CBX7: variants seen among roughly 807,000 people sequenced by gnomAD.
CBX7 encodes chromobox protein homolog 7.
In CBX7, 14 loss-of-function variants were observed where a neutral mutation model predicts 31.4. The ratio of observed to expected loss-of-function variants is 0.45; its 90% CI spans 0.29 to 0.70. The LOEUF (loss-of-function observed/expected upper bound fraction) is 0.70. Among genes scored for constraint, CBX7 ranks in the 30% least tolerant of loss-of-function variants. The pLI, the probability that CBX7 is intolerant of heterozygous loss-of-function variation, is 0.11. For missense variants in CBX7, 269 were observed against 351.9 expected, an observed-to-expected ratio of 0.76 and a Z score of 1.89; for synonymous variants, 159 against 152.6, an observed-to-expected ratio of 1.04 and a Z score of -0.31.
intron 2 of CBX7, among the ~76,000 whole-genome samples, chr22:39,146,135 C>A (rs1220172993): frequency 6.6e-6 from 1 of 152,240 alleles, no homozygotes; most frequent in Non-Finnish European, 1.5e-5. Context: ...CGCCACCGCT[C>A]TGGGGCCTCA....
rs1037792272 is a variant in CBX7 at position 39,152,209 on chromosome 22, C to A, written c.69+167G>T. 5.3e-5 allele frequency among the ~76,000 whole-genome samples: 8 copies of A among 152,208 alleles called. No individual in the cohort carries two copies. Among genetic ancestry groups the A allele is most frequent in the Admixed American group, 6.5e-5 (1 of 15,310 alleles). Reference sequence around the variant, plus strand: ...CAACTTTTGTTCTACTCGCCCTACACGGTGGCAGGGAAACTGAGGCACGGG... The same window carrying A: ...CAACTTTTGTTCTACTCGCCCTACAAGGTGGCAGGGAAACTGAGGCACGGG... On this transcript the variant is annotated intron_variant, in intron 1 of 5. Coordinates refer to ENST00000216133, the MANE Select transcript of CBX7 (RefSeq NM_175709.5). This position sits in a 1 kb window ranked among gnomAD's most constrained non-coding sequence, Gnocchi z 4.9.
At position 39,152,339 on chromosome 22, in the gene CBX7, C is replaced by A; in HGVS notation, c.69+37G>T. ...GCGGTGCTGGGGACGGGAGGGACCC[C>A]ACTGGGGTCCTGGGAGCCGCCCCCG... On this transcript the variant is annotated intron_variant, in intron 1 of 5. Transcript: ENST00000216133. The surrounding 1 kb of genome is among the most constrained non-coding windows in gnomAD (Gnocchi z 4.9). The A allele has an allele frequency of 7.5e-7, 1 of 1,336,924 alleles. No homozygotes were observed. The highest frequency in any genetic ancestry group is 3.0e-5 in the Admixed American group (1 of 33,100). 82.8% of individuals were successfully genotyped at this position (1,336,924 alleles called of 1,614,324 possible).
At chr22:39,136,920 G>A (rs560186088) in intron 4 of CBX7, among the ~76,000 whole-genome samples, 4 of 152,334 alleles carry the variant, frequency 2.6e-5, no homozygotes, top group African/African-American at 7.2e-5. Flanking sequence ...CATGAAGGGA[G>A]GCCCACCCCC....
intron 4 of CBX7, chr22:39,136,869 T>C (rs907313478): frequency 6.6e-6 from 1 of 152,234 alleles, no homozygotes; most frequent in South Asian, 2.1e-4. Context: ...CTTCCCTTCC[T>C]AGGCTCAATT....
At position 39,131,101 on chromosome 22, in the gene CBX7, T is replaced by C. The variant is rs2146345354; in HGVS notation, c.*2790A>G. The C allele has an allele frequency of 6.6e-6, 1 of 152,626 alleles. No individual in the cohort carries two copies. Among genetic ancestry groups the C allele is most frequent in the South Asian group, 2.1e-4 (1 of 4,818 alleles). The allele number at this position is 152,626 out of a possible 1,614,324, so 9.5% of individuals were successfully genotyped here. A position where few individuals can be genotyped will look rare whatever the true frequency, so the allele number is the denominator to read the frequency against. On this transcript the variant is annotated 3_prime_UTR_variant, in exon 6 of 6. Transcript: ENST00000216133. Reference sequence around the variant, plus strand: ...CTTCGAAAGCAAAAGCTAAACCACCTCACAGAAGCACAGCGCCTGCCCCCA... The same window carrying C: ...CTTCGAAAGCAAAAGCTAAACCACCCCACAGAAGCACAGCGCCTGCCCCCA...
At chr22:39,141,263 C>T (rs993987575) in intron 3 of CBX7, 108 bp downstream of exon 3, 41 of 899,942 alleles carry the variant, frequency 4.6e-5, no homozygotes, top group Non-Finnish European at 6.3e-5. Context: ...CCTGCCCCAT[C>T]GGACACCCCT....
At chr22:39,144,484 G>A (rs1036161996) in intron 2 of CBX7, among the ~76,000 whole-genome samples, 2 of 152,324 alleles carry the variant, frequency 1.3e-5, no homozygotes, top group East Asian at 1.9e-4. Context: ...ACACCCTGGC[G>A]CGCAGAGCCA....
chr22:39,152,019 C>T lies in CBX7; in HGVS notation c.69+357G>A, dbSNP rs1204804367. Among the ~76,000 whole-genome samples, 1 of 152,190 alleles carries T rather than the reference C, an allele frequency of 6.6e-6. No individual in the cohort carries two copies. The highest frequency in any genetic ancestry group is 1.5e-5 in the Non-Finnish European group (1 of 68,038). On this transcript the variant is annotated intron_variant, in intron 1 of 5. Coordinates refer to ENST00000216133, the MANE Select transcript of CBX7 (RefSeq NM_175709.5). The surrounding 1 kb of genome is among the most constrained non-coding windows in gnomAD (Gnocchi z 4.9). ...AGCGTCCAGAGTCCCGAGTTCAAAA[C>T]CCAGCTCTGACCATAACGCGCTAGG...
chr22:39,140,956 C>T (rs577462461), intron 3 of CBX7, among the ~76,000 whole-genome samples: 3 of 152,312 alleles, frequency 2.0e-5, no homozygotes, highest in Admixed American at 6.5e-5. Context: ...CTAGAGACAC[C>T]GTCTCTGATC....
chr22:39,138,043 T>C lies in CBX7; in HGVS notation c.246+593A>G, dbSNP rs566168269. ...AAAAATACAAAAATTTAGCCAGGCG[T>C]GGTGGCGGGCGCCTGTAGTCCCAGC... is the stretch of plus-strand genomic sequence containing the variant. On this transcript the variant is annotated intron_variant, in intron 4 of 5. Coordinates refer to ENST00000216133, the MANE Select transcript of CBX7 (RefSeq NM_175709.5). Among the ~76,000 whole-genome samples, 138 of 151,950 alleles carry C rather than the reference T, an allele frequency of 9.1e-4. 2 individuals carry two copies. The highest frequency in any genetic ancestry group is 1.2e-3 in the Non-Finnish European group (82 of 67,974).
intron 4 of CBX7, among the ~76,000 whole-genome samples, chr22:39,138,201 A>C (rs1015214417): frequency 1.3e-5 from 2 of 151,924 alleles, no homozygotes; most frequent in Non-Finnish European, 2.9e-5. Flanking sequence ...AAAAAAAAAA[A>C]AGATTCTGTT....
chr22:39,151,266 C>T (rs1569113459), intron 1 of CBX7, among the ~76,000 whole-genome samples: 1 of 152,190 alleles, frequency 6.6e-6, no homozygotes, highest in African/African-American at 2.4e-5. Context: ...ACAGCTGCCT[C>T]AATCAGAAGA....
chr22:39,134,195 G>C, intron 5 of CBX7, 147 bp from the exon 6 acceptor site: 1 of 879,840 alleles, frequency 1.1e-6, no homozygotes, highest in South Asian at 1.7e-5. Flanking sequence ...TGGGAGGAGG[G>C]CACTGGGTGC....
chr22:39,149,491 C>G (rs1436296518), intron 2 of CBX7: 18 of 500,206 alleles, frequency 3.6e-5, no homozygotes, highest in Admixed American at 6.9e-5. Flanking sequence ...GCCTTCACCT[C>G]CCAGTTGCCA....
intron 3 of CBX7, among the ~76,000 whole-genome samples, chr22:39,139,450 C>T (rs1236027680): frequency 6.6e-6 from 1 of 152,038 alleles, no homozygotes; most frequent in Non-Finnish European, 1.5e-5. Context: ...CGCCCGTAAT[C>T]CCAGCACTTT....
chr22:39,134,632 G>A lies in CBX7; in HGVS notation c.367C>T (p.Pro123Ser), dbSNP rs986670120. 4 of 1,584,610 alleles carry A rather than the reference G, an allele frequency of 2.5e-6. No individual in the cohort carries two copies. Among genetic ancestry groups the A allele is most frequent in the Admixed American group, 3.6e-5 (2 of 56,310 alleles). ...SPEGVVKAGA[P>S]ELVDKGPLVP... ...AAGGGGCCCTTGTCCACCAGCTCAG[G>A]TGCCCCCGCCTTGACCACCCCCTCA... The change falls in exon 5 of 6, where the codon CCT becomes TCT. Residue 123 changes from proline to serine, a missense_variant. Transcript: ENST00000216133.
At chr22:39,141,685 G>A (rs1255557838) in intron 2 of CBX7, among the ~76,000 whole-genome samples, 2 of 151,588 alleles carry the variant, frequency 1.3e-5, no homozygotes, top group Non-Finnish European at 2.9e-5. Context: ...AGAGGCAGAC[G>A]TTGCAGTGAG....
At chr22:39,151,901 A>C (rs1930870847) in intron 1 of CBX7, among the ~76,000 whole-genome samples, 1 of 151,350 alleles carries the variant, frequency 6.6e-6, no homozygotes, top group Non-Finnish European at 1.5e-5. Flanking sequence ...AGGGGGCAGG[A>C]TCGGAAAAGG....
chr22:39,150,874 G>A (rs1330478628), intron 1 of CBX7, among the ~76,000 whole-genome samples: 1 of 152,186 alleles, frequency 6.6e-6, no homozygotes, highest in Non-Finnish European at 1.5e-5. Context: ...GCTTTCCCTG[G>A]TGACCCTCTC....
Sources: allele counts gnomAD v4.1 joint callset (sites outside exome capture counted in the v4.1 genomes callset), GRCh38; gene constraint gnomAD v4.1.1; non-coding constraint Gnocchi (gnomAD v3.1); transcripts MANE v1.5; gene names NCBI Gene and HGNC (gene_info 2026-07-23, HGNC 2026-07-21).